The following CPQ variants were observed in gnomAD, a reference collection of about 807,000 sequenced individuals.
The protein encoded by CPQ is Ser-Met dipeptidase.
In CPQ, 37 loss-of-function variants were observed where a neutral mutation model predicts 45.7. The ratio of observed to expected loss-of-function variants is 0.81; its 90% confidence interval spans 0.62 to 1.07. CPQ has a LOEUF of 1.07. Ranked by LOEUF, CPQ falls within the 50% of genes least tolerant of loss-of-function variation. The probability of loss-of-function intolerance (pLI) is 0.00; values close to 1 mark genes in which losing one functional copy is unlikely to be tolerated. For missense variants in CPQ, 537 were observed against 572.9 expected, an observed-to-expected ratio of 0.94 and a Z score of 0.64; for synonymous variants, 186 against 205.8, an observed-to-expected ratio of 0.90 and a Z score of 0.82.
At chr8:96,868,728 T>G (rs989522221) in intron 3 of CPQ, among the ~76,000 whole-genome samples, 1 of 152,006 alleles carries the variant, frequency 6.6e-6, no homozygotes, top group African/African-American at 2.4e-5. Context: ...CTATTCCCTG[T>G]GTATAAAACT....
intron 7 of CPQ, among the ~76,000 whole-genome samples, chr8:97,142,732 G>C (rs1166010003): frequency 6.6e-6 from 1 of 152,128 alleles, no homozygotes; most frequent in Non-Finnish European, 1.5e-5. Context: ...GCCCCATGCA[G>C]CTCCAAAGTT....
At chr8:97,006,546 C>T (rs1809387260) in intron 5 of CPQ, among the ~76,000 whole-genome samples, 1 of 152,184 alleles carries the variant, frequency 6.6e-6, no homozygotes, top group African/African-American at 2.4e-5. Flanking sequence ...AAAATTCCAG[C>T]TTTGATTTCT....
chr8:96,948,912 G>T (rs1372163880), intron 4 of CPQ, among the ~76,000 whole-genome samples: 1 of 151,936 alleles, frequency 6.6e-6, no homozygotes, highest in South Asian at 2.1e-4. Context: ...TTTGTCTCTT[G>T]TGATAGTTTT....
At chr8:97,122,455 A>C (rs1477918103) in intron 7 of CPQ, among the ~76,000 whole-genome samples, 1 of 152,224 alleles carries the variant, frequency 6.6e-6, no homozygotes, top group Non-Finnish European at 1.5e-5. Flanking sequence ...AATAAGAATG[A>C]AATTAAGAAT....
chr8:96,667,905 T>A (rs1475951235), intron 1 of CPQ, among the ~76,000 whole-genome samples: 1 of 152,156 alleles, frequency 6.6e-6, no homozygotes, highest in Non-Finnish European at 1.5e-5. Flanking sequence ...CCTTTAATTA[T>A]TATATATCTT....
At chr8:96,746,774 G>A (rs1489279559) in intron 1 of CPQ, among the ~76,000 whole-genome samples, 1 of 152,104 alleles carries the variant, frequency 6.6e-6, no homozygotes, top group African/African-American at 2.4e-5. Flanking sequence ...GTTTCCTATA[G>A]TATTGCTCTG....
At chr8:96,676,737 G>C (rs1809081434) in intron 1 of CPQ, among the ~76,000 whole-genome samples, 1 of 151,902 alleles carries the variant, frequency 6.6e-6, no homozygotes, top group Admixed American at 6.6e-5. Context: ...TGGATAGGCT[G>C]TTTAGTGGTG....
chr8:96,761,007 G>A (rs893504747), intron 1 of CPQ: 1 of 152,156 alleles, frequency 6.6e-6, no homozygotes, highest in African/African-American at 2.4e-5. Flanking sequence ...GATGTGTGTT[G>A]ATTAAACTGT....
At chr8:96,656,467 A>C (rs1446533150) in intron 1 of CPQ, among the ~76,000 whole-genome samples, 2 of 152,040 alleles carry the variant, frequency 1.3e-5, no homozygotes, top group African/African-American at 4.8e-5. Flanking sequence ...CTGGACTCTG[A>C]GTTTAGGTGG....
At chr8:97,122,990 A>AAT (rs1456511054) in intron 7 of CPQ, among the ~76,000 whole-genome samples, 4 of 72,884 alleles carry the variant, frequency 5.5e-5, no homozygotes, top group East Asian at 4.1e-4. Flanking sequence ...ATTAAAATAA[A>AAT]ATAAAATAAA....
chr8:97,051,459 A>G (rs991857090), intron 6 of CPQ, among the ~76,000 whole-genome samples: 2 of 152,244 alleles, frequency 1.3e-5, no homozygotes, highest in African/African-American at 2.4e-5. Flanking sequence ...GATTTCTGCA[A>G]CAAGTCTAAT....
At chr8:96,709,784 T>A (rs1320745962) in intron 1 of CPQ, among the ~76,000 whole-genome samples, 1 of 152,194 alleles carries the variant, frequency 6.6e-6, no homozygotes, top group Non-Finnish European at 1.5e-5. Flanking sequence ...TTCGATTTGC[T>A]AGTACTTTGT....
chr8:96,919,804 G>A (rs1401283482), intron 4 of CPQ, among the ~76,000 whole-genome samples: 2 of 152,128 alleles, frequency 1.3e-5, no homozygotes, highest in East Asian at 3.9e-4. Flanking sequence ...ATCTTTAGCA[G>A]TAATCACTTT....
At position 96,788,000 on chromosome 8, in the gene CPQ, A is replaced by G. The variant is rs370621191; in HGVS notation, c.433+2670A>G. On this transcript the variant is annotated intron_variant, in intron 2 of 7. Coordinates refer to ENST00000220763, the MANE Select transcript of CPQ (RefSeq NM_016134.4). Reference sequence around the variant, plus strand: ...ATCTTTATCTCTTTGCTTAACCTTCAGTTTTGAAAGATAGTTTTACTAGAC... The same window carrying G: ...ATCTTTATCTCTTTGCTTAACCTTCGGTTTTGAAAGATAGTTTTACTAGAC... Among the ~76,000 whole-genome samples, 349 of 151,628 alleles carry G rather than the reference A, an allele frequency of 2.3e-3. 4 individuals are homozygous for G. The highest frequency in any genetic ancestry group is 8.2e-3 in the African/African-American group (341 of 41,408).
chr8:96,737,355 G>GAGATATATATATATATATATATATATAT (rs1554561433), intron 1 of CPQ, among the ~76,000 whole-genome samples: 1 of 117,998 alleles, frequency 8.5e-6, no homozygotes, highest in Non-Finnish European at 1.7e-5. Context: ...ACTAATAGGA[G>GAGATATATATATATATATATATATATAT]ATATATATAT....
chr8:97,092,179 C>G (rs1351552747), intron 7 of CPQ, among the ~76,000 whole-genome samples: 1 of 152,116 alleles, frequency 6.6e-6, no homozygotes, highest in Non-Finnish European at 1.5e-5. Flanking sequence ...GGGATGAAAA[C>G]TCCAGTAGAA....
intron 4 of CPQ, among the ~76,000 whole-genome samples, chr8:96,951,240 G>A (rs1229688193): frequency 6.6e-6 from 1 of 152,030 alleles, no homozygotes; most frequent in Non-Finnish European, 1.5e-5. Flanking sequence ...TGTGATATCA[G>A]GAAATACTTT....
intron 1 of CPQ, among the ~76,000 whole-genome samples, chr8:96,782,311 T>TA (rs1409822644): frequency 6.6e-6 from 1 of 152,204 alleles, no homozygotes; most frequent in African/African-American, 2.4e-5. Flanking sequence ...CACCAGGACT[T>TA]ACTGCTTGTG....
intron 2 of CPQ, among the ~76,000 whole-genome samples, chr8:96,802,347 G>T: frequency 6.6e-6 from 1 of 152,132 alleles, no homozygotes; most frequent in East Asian, 1.9e-4. Context: ...AATCAAGCTG[G>T]TGAGTACATA....
Sources: allele counts gnomAD v4.1 joint callset (sites outside exome capture counted in the v4.1 genomes callset), GRCh38; gene constraint gnomAD v4.1.1; transcripts MANE v1.5; gene names NCBI Gene and HGNC (gene_info 2026-07-23, HGNC 2026-07-21).